PYGL: variants seen among roughly 807,000 people sequenced by gnomAD.
The protein encoded by PYGL is glycogen phosphorylase L.
A neutral mutation model predicts 100.1 loss-of-function variants in PYGL; 90 were observed. That is an observed-to-expected ratio of 0.90 (90% confidence interval 0.76 to 1.07). The LOEUF is 1.07. Ranked by LOEUF, PYGL falls within the 50% of genes least tolerant of loss-of-function variation. The probability of loss-of-function intolerance (pLI) is 0.00; values close to 1 mark genes in which losing one functional copy is unlikely to be tolerated. For missense variants in PYGL, 1,016 were observed against 1,057.6 expected (o/e 0.96, Z 0.55); for synonymous variants, 373 against 393.0 (o/e 0.95, Z 0.60).
At chr14:50,918,779 C>T (rs892780627) in intron 7 of PYGL, among the ~76,000 whole-genome samples, 2 of 152,044 alleles carry the variant, frequency 1.3e-5, no homozygotes, top group African/African-American at 4.8e-5. Flanking sequence ...CTACCTGTAC[C>T]CCTAAAACTA....
intron 5 of PYGL, among the ~76,000 whole-genome samples, chr14:50,922,033 C>T (rs2050507537): frequency 6.6e-6 from 1 of 152,190 alleles, no homozygotes; most frequent in Non-Finnish European, 1.5e-5. Context: ...TTGTGACAGT[C>T]ACTGAAATAG....
chr14:50,934,174 A>G (rs2050631102), intron 3 of PYGL, among the ~76,000 whole-genome samples: 1 of 152,162 alleles, frequency 6.6e-6, no homozygotes, highest in Non-Finnish European at 1.5e-5. Context: ...TTATTCCCTG[A>G]AAAAAGCAAA....
At chr14:50,932,613 A>T (rs2050612204) in intron 3 of PYGL, among the ~76,000 whole-genome samples, 1 of 152,202 alleles carries the variant, frequency 6.6e-6, no homozygotes, top group Admixed American at 6.5e-5. Context: ...ATGATAACAC[A>T]TGTCCTTTTT....
intron 19 of PYGL, among the ~76,000 whole-genome samples, chr14:50,906,389 T>C (rs1169731372): frequency 6.6e-6 from 1 of 152,226 alleles, no homozygotes; most frequent in African/African-American, 2.4e-5. Context: ...AAGCTTCCTG[T>C]AATAAGAGGA....
intron 16 of PYGL, among the ~76,000 whole-genome samples, chr14:50,910,477 A>G (rs2050383382): frequency 6.6e-6 from 1 of 151,654 alleles, no homozygotes; most frequent in African/African-American, 2.4e-5. Context: ...CTTTTTTGGT[A>G]CAGGGTCTCT....
At chr14:50,908,011 G>A (rs2050350515) in intron 19 of PYGL, 3 of 350,986 alleles carry the variant, frequency 8.5e-6, no homozygotes, top group Admixed American at 6.3e-5. Context: ...GACAGAGCGA[G>A]ATCTGTCTCA....
chr14:50,919,032 A>AAAACAAAC (rs55801989), intron 7 of PYGL, among the ~76,000 whole-genome samples: 25 of 152,178 alleles, frequency 1.6e-4, no homozygotes, highest in East Asian at 5.8e-4. Flanking sequence ...CTTACTCTTA[A>AAAACAAAC]AAACAAACAA....
Position 50,931,695 on chromosome 14 carries a change from T to G in PYGL, c.506A>C (p.Gln169Pro). 5 of 1,613,882 alleles carry G rather than the reference T, an allele frequency of 3.1e-6. No homozygotes were observed. The highest frequency in any genetic ancestry group is 4.2e-6 in the Non-Finnish European group (5 of 1,179,794). ...CACCTGCCATCCATCTCGGATCTTC[T>G]GATTGAAAATCCCATATTCATACCG... ...GIRYEYGIFN[Q>P]KIRDGWQVEE... The change falls in exon 4 of 20, where the codon CAG becomes CCG. Residue 169 changes from glutamine (Q) to proline (P), a missense_variant. Gln to Pro is a moderately conservative substitution (Grantham distance 76, BLOSUM62 -1). Transcript: ENST00000216392.
At chr14:50,914,402 CAGG>C (rs200630033) in intron 12 of PYGL, among the ~76,000 whole-genome samples, 1,682 of 152,148 alleles carry the variant, frequency 0.011, 28 homozygotes, top group African/African-American at 0.038. Context: ...GAGGCTGAGG[CAGG>C]AGAATTGCTT....
chr14:50,912,463 A>C (rs1038349131), intron 13 of PYGL, 160 bp from the exon 14 acceptor site: 17 of 863,138 alleles, frequency 2.0e-5, no homozygotes, highest in South Asian at 2.8e-5. Context: ...CATTCAAGCG[A>C]TTATCCTATC....
intron 4 of PYGL, among the ~76,000 whole-genome samples, chr14:50,928,330 T>C (rs2050572372): frequency 1.3e-5 from 2 of 152,166 alleles, no homozygotes; most frequent in Admixed American, 1.3e-4. Context: ...AATGTTTCTG[T>C]GGCACACCAA....
chr14:50,911,203 A>G (rs1048261346), intron 16 of PYGL, among the ~76,000 whole-genome samples: 4 of 152,258 alleles, frequency 2.6e-5, no homozygotes, highest in Non-Finnish European at 5.9e-5. Flanking sequence ...CTTCTTGCCC[A>G]TCTGGCTGTC....
intron 17 of PYGL, 39 bp from the exon 18 acceptor site, chr14:50,908,994 T>C (rs1306189751): frequency 4.4e-6 from 7 of 1,574,594 alleles, no homozygotes; most frequent in Non-Finnish European, 6.1e-6. Context: ...AAAAAGGCTC[T>C]GTTATTGTGT....
Position 50,944,175 on chromosome 14 carries a change from C to G in PYGL, c.229G>C (p.Asp77His). 6.2e-7 allele frequency: 1 copy of G among 1,607,074 alleles called. No homozygotes were observed. Among genetic ancestry groups the G allele is most frequent in the South Asian group, 1.1e-5 (1 of 90,970 alleles). Residue 77 changes from aspartate (D) to histidine (H), a missense_variant, in exon 1 of 20, where the codon GAC becomes CAC. Coordinates refer to ENST00000216392, the MANE Select transcript of PYGL (RefSeq NM_002863.5). Reference sequence around the variant, plus strand: ...CCCCCGGTTACCTTGGGGCACTTGTCGTAGTAGTGCTGCTGCGTGCGGATC... The same window carrying G: ...CCCCCGGTTACCTTGGGGCACTTGTGGTAGTAGTGCTGCTGCGTGCGGATC... Reference protein sequence around the residue: ...RWIRTQQHYYDKCPKRVYYLS... With the variant: ...RWIRTQQHYYHKCPKRVYYLS...
chr14:50,916,811 A>G (rs2050455709), intron 8 of PYGL, 77 bp from the exon 9 acceptor site: 10 of 1,550,392 alleles, frequency 6.4e-6, no homozygotes, highest in East Asian at 4.5e-5. Flanking sequence ...ACATCTGGAG[A>G]AAGCACTGAT....
Position 50,915,957 on chromosome 14 carries a change from G to C in PYGL, c.1107C>G (p.Thr369=), listed in dbSNP as rs749117018. The change falls in exon 10 of 20, where the codon ACC becomes ACG. Residue 369 remains threonine (T), a synonymous_variant. Transcript: ENST00000216392. ...GGTTGGTGTAGGCGAAGGTCTTCTG[G>C]GTGAGCTCCCATGCCTGGGGGAAAG... ...KLPWSKAWEL[T]QKTFAYTNHT... is the part of the protein sequence containing the mutation. 9 of 1,613,996 alleles carry C rather than the reference G, an allele frequency of 5.6e-6. No homozygotes were observed. The highest frequency in any genetic ancestry group is 1.6e-4 in the Middle Eastern group (1 of 6,084).
intron 4 of PYGL, among the ~76,000 whole-genome samples, chr14:50,928,934 T>C (rs1279619935): frequency 6.6e-6 from 1 of 152,224 alleles, no homozygotes; most frequent in Non-Finnish European, 1.5e-5. Context: ...CAGTAAACAA[T>C]GGAGGTGGTA....
At chr14:50,916,559 A>G in intron 9 of PYGL, 83 bp downstream of exon 9, 1 of 1,294,724 alleles carries the variant, frequency 7.7e-7, no homozygotes, top group Admixed American at 1.7e-5. Flanking sequence ...TTACTTTGAA[A>G]AACTAAAAAG....
intron 4 of PYGL, among the ~76,000 whole-genome samples, chr14:50,928,996 G>A (rs2050579793): frequency 6.6e-6 from 1 of 152,118 alleles, no homozygotes; most frequent in African/African-American, 2.4e-5. Context: ...TGAAAGAAGT[G>A]ATGATGGTTG....
Sources: gnomAD v4.1 joint callset for allele counts (sites outside exome capture counted in the v4.1 genomes callset) on GRCh38, gnomAD v4.1.1 for gene constraint, MANE v1.5 for transcripts, NCBI Gene and HGNC (gene_info 2026-07-23, HGNC 2026-07-21) for gene names.